RNF144A: variants seen among roughly 807,000 people sequenced by gnomAD.
RNF144A encodes the protein ring finger protein 144A.
RNF144A carries 11 observed loss-of-function variants against 38.7 expected under a neutral mutation model. The observed-to-expected ratio is 0.28, with a 90% CI of 0.18 to 0.47. RNF144A has a LOEUF of 0.47. RNF144A is among the 20% of genes least tolerant of loss of function. The pLI, the probability that RNF144A is intolerant of heterozygous loss-of-function variation, is 0.99. For missense variants in RNF144A, 316 were observed against 377.2 expected (o/e 0.84, Z 1.34); for synonymous variants, 149 against 143.9 (o/e 1.04, Z -0.25).
At chr2:7,062,085 T>C (rs1438782455) in intron 6 of RNF144A, among the ~76,000 whole-genome samples, 1 of 152,072 alleles carries the variant, frequency 6.6e-6, no homozygotes, top group Admixed American at 6.6e-5. Flanking sequence ...CAGCTCGGGG[T>C]GGGCTGGGAA....
intron 2 of RNF144A, among the ~76,000 whole-genome samples, chr2:6,991,178 A>G (rs772243423): frequency 1.2e-4 from 19 of 152,208 alleles, no homozygotes; most frequent in Non-Finnish European, 2.8e-4. Context: ...AAGTCTTCAC[A>G]TTAGCTGGGA....
At chr2:7,013,042 G>A (rs1670916090) in intron 3 of RNF144A, among the ~76,000 whole-genome samples, 1 of 152,142 alleles carries the variant, frequency 6.6e-6, no homozygotes, top group South Asian at 2.1e-4. Flanking sequence ...TCTGAGGATT[G>A]CCTTGATTTT....
rs1411795353 is a variant in RNF144A, at chr2:6,938,222, C to T, written c.-211-2726C>T. Among the ~76,000 whole-genome samples, 8 of 142,896 alleles carry T rather than the reference C, an allele frequency of 5.6e-5. No homozygotes were observed. The South Asian group carries it at 1.9e-3, about 34-fold the overall frequency. 93.7% of individuals were successfully genotyped at this position (142,896 alleles called of 152,430 possible). On this transcript the variant is annotated intron_variant, in intron 1 of 8. Transcript: ENST00000320892. ...TTTCCACTTGGCATGTTTCTGTTCC[C>T]CTCCCCTCCCCCTCTCCCCTCCCCT...
chr2:7,015,709 G>A (rs1266124500), intron 5 of RNF144A, among the ~76,000 whole-genome samples: 5 of 152,192 alleles, frequency 3.3e-5, no homozygotes, highest in East Asian at 1.9e-4. Context: ...CTGGTAAAGA[G>A]CAGAGTGACA....
chr2:6,966,517 G>A (rs1465194593), intron 2 of RNF144A, among the ~76,000 whole-genome samples: 3 of 152,318 alleles, frequency 2.0e-5, no homozygotes, highest in Admixed American at 6.5e-5. Context: ...AGGTTGGTTT[G>A]GGGAGAAGGA....
intron 6 of RNF144A, among the ~76,000 whole-genome samples, chr2:7,022,726 T>A (rs1008629406): frequency 1.3e-5 from 2 of 152,226 alleles, no homozygotes; most frequent in Admixed American, 6.5e-5. Context: ...TTCCAGCTTT[T>A]TGCAAAATCA....
chr2:6,919,974 T>A (rs781642191), intron 1 of RNF144A, among the ~76,000 whole-genome samples: 78 of 152,316 alleles, frequency 5.1e-4, no homozygotes, highest in Non-Finnish European at 8.4e-4. Flanking sequence ...TAGTTGGTAA[T>A]CCCTGTATCC....
At chr2:6,973,934 G>A (rs1668147843) in intron 2 of RNF144A, among the ~76,000 whole-genome samples, 1 of 152,208 alleles carries the variant, frequency 6.6e-6, no homozygotes, top group African/African-American at 2.4e-5. Context: ...GCTCTTAGCA[G>A]GAAGACTTTG....
chr2:7,020,775 G>A, intron 6 of RNF144A, 95 bp downstream of exon 6: 1 of 1,155,552 alleles, frequency 8.7e-7, no homozygotes, highest in Non-Finnish European at 1.3e-6. Context: ...CAGTGTAAGT[G>A]GCTGTGGCTC....
chr2:7,019,701 C>A (rs1280519099), intron 5 of RNF144A, among the ~76,000 whole-genome samples: 2 of 152,196 alleles, frequency 1.3e-5, no homozygotes, highest in South Asian at 4.1e-4. Context: ...AGTCTTCCTA[C>A]AAAGGGCAGC....
Position 7,034,013 on chromosome 2 carries a change from G to A in RNF144A, c.747+3798G>A, listed in dbSNP as rs962902863. On this transcript the variant is annotated intron_variant, in intron 8 of 8. Coordinates refer to ENST00000320892, the MANE Select transcript of RNF144A (RefSeq NM_014746.6). Reference sequence around the variant, plus strand: ...GGGAGCAAAGGGTTGCTGTGTCCCCGTCCCAGGAGCCATGAGAGCTGCTTT... The same window carrying A: ...GGGAGCAAAGGGTTGCTGTGTCCCCATCCCAGGAGCCATGAGAGCTGCTTT... 1.6e-4 allele frequency among the ~76,000 whole-genome samples: 24 copies of A among 152,280 alleles called. No individual in the cohort carries two copies. The Middle Eastern group carries it at 0.01, about 65-fold the overall frequency.
At position 6,991,925 on chromosome 2, in the gene RNF144A, G is replaced by A. The variant is rs758320033; in HGVS notation, c.-11-4991G>A. 6.9e-4 allele frequency among the ~76,000 whole-genome samples: 105 copies of A among 152,236 alleles called. 1 individual carries two copies. The highest frequency in any genetic ancestry group is 3.4e-3 in the Middle Eastern group (1 of 294). On this transcript the variant is annotated intron_variant, in intron 2 of 8. Transcript: ENST00000320892. ...AGTTCCTACCCTTGAATAATGTATC[G>A]TCAAGTTGGGGAGGTAAATTCACAC...
chr2:7,038,240 C>A (rs572094004), intron 8 of RNF144A, among the ~76,000 whole-genome samples: 1 of 152,370 alleles, frequency 6.6e-6, no homozygotes, highest in Non-Finnish European at 1.5e-5. Flanking sequence ...CGGAAATGCA[C>A]TATTCCAGTC....
At chr2:6,973,948 G>A (rs1164634072) in intron 2 of RNF144A, among the ~76,000 whole-genome samples, 1 of 152,232 alleles carries the variant, frequency 6.6e-6, no homozygotes, top group Non-Finnish European at 1.5e-5. Context: ...GACTTTGCCA[G>A]TCTCTGGTCC....
At position 7,002,074 on chromosome 2, in the gene RNF144A, C is replaced by T. The variant is rs926790836; in HGVS notation, c.135+5013C>T. On this transcript the variant is annotated intron_variant, in intron 3 of 8. Transcript: ENST00000320892. Reference sequence around the variant, plus strand: ...GACCTGGTATGCTGCAGAAAAGCTACGTGTAAACCCTAAGCTTCTGATTGT... The same window carrying T: ...GACCTGGTATGCTGCAGAAAAGCTATGTGTAAACCCTAAGCTTCTGATTGT... Among the ~76,000 whole-genome samples the T allele has an allele frequency of 6.6e-5, 10 of 152,282 alleles. No homozygotes were observed. In the South Asian group the frequency reaches 8.3e-4, roughly 13 times the overall value.
intron 8 of RNF144A, among the ~76,000 whole-genome samples, chr2:7,034,831 G>A (rs754100915): frequency 6.6e-6 from 1 of 152,210 alleles, no homozygotes; most frequent in Non-Finnish European, 1.5e-5. Context: ...GGCACAGAAT[G>A]GGACACTCTG....
At chr2:6,948,445 G>A (rs1302385155) in intron 2 of RNF144A, among the ~76,000 whole-genome samples, 3 of 152,192 alleles carry the variant, frequency 2.0e-5, no homozygotes, top group African/African-American at 7.2e-5. Flanking sequence ...CATTTGCATG[G>A]TTATTTTGCT....
At chr2:7,061,816 T>C (rs886375424) in intron 6 of RNF144A, among the ~76,000 whole-genome samples, 2 of 152,240 alleles carry the variant, frequency 1.3e-5, no homozygotes, top group Non-Finnish European at 2.9e-5. Context: ...GTGCTTATTA[T>C]GTTCTTTAGA....
chr2:6,987,038 G>A (rs1669006353), intron 2 of RNF144A, among the ~76,000 whole-genome samples: 2 of 152,060 alleles, frequency 1.3e-5, no homozygotes, highest in South Asian at 2.1e-4. Context: ...CTCATTCCCG[G>A]ATGGGGGTCA....
Sources: allele counts gnomAD v4.1 joint callset (sites outside exome capture counted in the v4.1 genomes callset), GRCh38; gene constraint gnomAD v4.1.1; transcripts MANE v1.5; gene names NCBI Gene and HGNC (gene_info 2026-07-23, HGNC 2026-07-21).